Variants in VPS13B observed in about 807,000 individuals in gnomAD.
VPS13B encodes vacuolar protein sorting 13 homolog B.
In VPS13B, 285 loss-of-function variants were observed where a neutral mutation model predicts 426.4. The observed-to-expected ratio is 0.67, with a 90% CI of 0.61 to 0.74. VPS13B has a LOEUF of 0.74. Ranked by LOEUF, VPS13B falls within the 30% of genes least tolerant of loss-of-function variation. The pLI is 0.00. For missense variants in VPS13B, 4,537 were observed against 4,782.6 expected, an observed-to-expected ratio of 0.95 and a Z score of 1.51; for synonymous variants, 1,676 against 1,676.4, an observed-to-expected ratio of 1.00 and a Z score of 0.01.
chr8:99,360,164 TTCTTTCTTTC>T (rs1812446221), intron 19 of VPS13B, among the ~76,000 whole-genome samples: 4 of 39,588 alleles, frequency 1.0e-4, no homozygotes, highest in African/African-American at 4.7e-4. Flanking sequence ...CTTTCTTTCT[TTCTTTCTTTC>T]TTTCTTTCTT....
At chr8:99,535,387 A>T (rs1428997870) in intron 30 of VPS13B, among the ~76,000 whole-genome samples, 1 of 152,182 alleles carries the variant, frequency 6.6e-6, no homozygotes, top group Non-Finnish European at 1.5e-5. Flanking sequence ...TGTGTACTAG[A>T]AATACTTATC....
rs1448685268 is a variant in VPS13B, at chr8:99,461,155, C to T, written c.3446-6259C>T. On this transcript the variant is annotated intron_variant, in intron 23 of 61. Transcript: ENST00000357162. ...TTTTCTCAAGCTACTTCATGTATTA[C>T]TAGTTTTTTTTTTTAAATATTTAGC... Among the ~76,000 whole-genome samples, 7 of 145,988 alleles carry T rather than the reference C, an allele frequency of 4.8e-5. No homozygotes were observed. In the East Asian group the frequency reaches 6.7e-4, roughly 14 times the overall value.
intron 51 of VPS13B, among the ~76,000 whole-genome samples, chr8:99,830,672 C>T (rs1006239793): frequency 3.3e-5 from 5 of 152,118 alleles, no homozygotes; most frequent in African/African-American, 4.8e-5. Context: ...GCAGCTAGCT[C>T]GGTATCTGCC....
At chr8:99,154,221 T>C (rs1297070412) in intron 14 of VPS13B, among the ~76,000 whole-genome samples, 1 of 151,866 alleles carries the variant, frequency 6.6e-6, no homozygotes, top group East Asian at 1.9e-4. Context: ...TCTAATTTGG[T>C]GTCTGACATT....
At chr8:99,576,744 T>C (rs1166747719) in intron 32 of VPS13B, among the ~76,000 whole-genome samples, 2 of 152,284 alleles carry the variant, frequency 1.3e-5, no homozygotes, top group African/African-American at 2.4e-5. Flanking sequence ...TTTTGTTCTG[T>C]TTTCCTTGTC....
At position 99,821,441 on chromosome 8, in the gene VPS13B, G is replaced by A. The variant is rs1480540038; in HGVS notation, c.9142G>A (p.Asp3048Asn). Reference protein sequence around the residue: ...VVTLDEEAFVDTEIRLGAFPG... With the variant: ...VVTLDEEAFVNTEIRLGAFPG... ...GACACTGGATGAAGAAGCGTTTGTT[G>A]ATACTGAAATAAGACTTGGTGCTTT... The change falls in exon 50 of 62, where the codon GAT becomes AAT. Residue 3048 changes from aspartate (D) to asparagine (N), a missense_variant. Coordinates refer to ENST00000357162, the MANE Select transcript of VPS13B (RefSeq NM_152564.5). 3.1e-6 allele frequency: 5 copies of A among 1,613,790 alleles called. No homozygotes were observed. Among genetic ancestry groups the A allele is most frequent in the East Asian group, 2.2e-5 (1 of 44,860 alleles).
chr8:99,017,068 T>C (rs989227819), intron 2 of VPS13B, among the ~76,000 whole-genome samples: 3 of 152,140 alleles, frequency 2.0e-5, no homozygotes, highest in African/African-American at 7.3e-5. Context: ...TTTCTAGTCT[T>C]GTTTAAGAAA....
intron 17 of VPS13B, among the ~76,000 whole-genome samples, chr8:99,220,061 T>A (rs1246197337): frequency 6.6e-6 from 1 of 152,208 alleles, no homozygotes; most frequent in Non-Finnish European, 1.5e-5. Context: ...ATGAGGCTTG[T>A]TTTTAGTGAC....
chr8:99,861,748 G>T (rs544565354), intron 57 of VPS13B, 28 bp from the exon 58 acceptor site: 3 of 1,578,686 alleles, frequency 1.9e-6, no homozygotes, highest in South Asian at 2.3e-5. Context: ...GCGACAAGGA[G>T]GCTAACCCCA....
intron 49 of VPS13B, 117 bp from the exon 50 acceptor site, chr8:99,821,177 A>G (rs1814350054): frequency 1.2e-6 from 1 of 812,452 alleles, no homozygotes. Flanking sequence ...CCATGGAGGG[A>G]TATTTGGTTA....
intron 30 of VPS13B, among the ~76,000 whole-genome samples, chr8:99,540,887 C>T (rs928461463): frequency 2.2e-4 from 34 of 151,968 alleles, no homozygotes; most frequent in Non-Finnish European, 5.9e-5. Flanking sequence ...TGCTATTGCT[C>T]GGTGTTTTCT....
At chr8:99,292,711 A>G (rs1474512212) in intron 19 of VPS13B, among the ~76,000 whole-genome samples, 7 of 152,130 alleles carry the variant, frequency 4.6e-5, no homozygotes, top group Non-Finnish European at 7.4e-5. Flanking sequence ...ATAAAAAATA[A>G]TTTATCCACC....
intron 48 of VPS13B, 28 bp downstream of exon 48, chr8:99,819,610 C>CA: frequency 6.2e-7 from 1 of 1,608,578 alleles, no homozygotes; most frequent in Non-Finnish European, 8.5e-7. Context: ...TCTTTTTCTA[C>CA]AAAAATTTCT....
chr8:99,048,241 T>C (rs1843333212), intron 3 of VPS13B, among the ~76,000 whole-genome samples: 1 of 152,208 alleles, frequency 6.6e-6, no homozygotes, highest in Admixed American at 6.5e-5. Flanking sequence ...TTTTCTTAAA[T>C]TTATTGAGGC....
At chr8:99,478,909 T>C (rs988016235) in intron 24 of VPS13B, among the ~76,000 whole-genome samples, 2 of 152,198 alleles carry the variant, frequency 1.3e-5, no homozygotes, top group African/African-American at 4.8e-5. Context: ...GAAATAGTTT[T>C]TCTAAGATTG....
At chr8:99,168,476 C>A (rs1204126442) in intron 15 of VPS13B, among the ~76,000 whole-genome samples, 1 of 151,984 alleles carries the variant, frequency 6.6e-6, no homozygotes, top group Non-Finnish European at 1.5e-5. Flanking sequence ...AAAATATTAT[C>A]TTTATTCATA....
chr8:99,766,411 G>A (rs1410793207), intron 39 of VPS13B, among the ~76,000 whole-genome samples: 2 of 152,040 alleles, frequency 1.3e-5, no homozygotes, highest in African/African-American at 2.4e-5. Flanking sequence ...GTAAGATTTT[G>A]TCTGTACTTA....
intron 24 of VPS13B, among the ~76,000 whole-genome samples, chr8:99,474,869 A>G (rs1173858103): frequency 2.0e-5 from 3 of 152,184 alleles, no homozygotes; most frequent in Admixed American, 2.0e-4. Flanking sequence ...AAAAATATAT[A>G]TCCACAAAAG....
intron 3 of VPS13B, among the ~76,000 whole-genome samples, chr8:99,089,776 A>G (rs1416765778): frequency 1.3e-5 from 2 of 152,214 alleles, no homozygotes; most frequent in South Asian, 4.1e-4. Flanking sequence ...TGTATCAGAG[A>G]AAAGACCACC....
Sources: allele counts gnomAD v4.1 joint callset (sites outside exome capture counted in the v4.1 genomes callset), GRCh38; gene constraint gnomAD v4.1.1; transcripts MANE v1.5; gene names NCBI Gene and HGNC (gene_info 2026-07-23, HGNC 2026-07-21).